FAM50B: variants seen among roughly 807,000 people sequenced by gnomAD.
FAM50B encodes protein FAM50B.
FAM50B carries 9 observed loss-of-function variants against 25.4 expected under a neutral mutation model. The ratio of observed to expected loss-of-function variants is 0.35; its 90% CI spans 0.21 to 0.62. FAM50B has a LOEUF of 0.62. Among genes scored for constraint, FAM50B ranks in the 20% least tolerant of loss-of-function variants. FAM50B has a pLI of 0.73. For missense variants in FAM50B, 372 were observed against 477.9 expected, an observed-to-expected ratio of 0.78 and a Z score of 2.07; for synonymous variants, 212 against 204.3, an observed-to-expected ratio of 1.04 and a Z score of -0.32.
At chr6:3,848,149 T>G (rs1209402692), upstream of FAM50B, among the ~76,000 whole-genome samples, 1 of 152,234 alleles carries the variant, frequency 6.6e-6, no homozygotes, top group Admixed American at 6.5e-5. Context: ...CACATGCTGC[T>G]GGAAAAATGG....
In FAM50B at chr6:3,850,327, G is replaced by C. The variant is rs372461028; in HGVS notation, c.516G>C (p.Glu172Asp). The C allele has an allele frequency of 1.2e-6, 2 of 1,613,230 alleles. No individual in the cohort carries two copies. The highest frequency in any genetic ancestry group is 1.7e-6 in the Non-Finnish European group (2 of 1,179,846). ...ENRLREELRQEWEAQREKVKD... is the reference protein window; with the variant it reads ...ENRLREELRQDWEAQREKVKD... ...GGCTCCGAGAGGAGCTGCGCCAAGAGTGGGAGGCGCAGCGCGAGAAAGTGA... is the reference window on the plus strand; with the variant it reads ...GGCTCCGAGAGGAGCTGCGCCAAGACTGGGAGGCGCAGCGCGAGAAAGTGA... Residue 172 changes from glutamate (E) to aspartate (D), a missense_variant, in exon 2 of 2, where the codon GAG (glutamate) becomes GAC (aspartate). By Grantham distance (45) the Glu-to-Asp change is conservative. Transcript: ENST00000648326.
intron 1 of FAM50B, 136 bp downstream of exon 1, chr6:3,849,622 A>C: frequency 2.0e-6 from 2 of 1,011,786 alleles, no homozygotes; most frequent in Non-Finnish European, 2.8e-6. Flanking sequence ...AATGCTGGAA[A>C]TTGGTGCCTG....
rs1328076236 is a variant in FAM50B at position 3,849,788 on chromosome 6, G to C, written c.-23-1G>C. ...TGCCGCGTTTTTCCTCTTTGCTGCA[G>C]AGCCCATCGGGTAGGCGCGGGCCAT... is the stretch of plus-strand genomic sequence containing the variant. On this transcript the variant is annotated splice_acceptor_variant, in intron 1 of 1. Coordinates refer to ENST00000648326, the MANE Select transcript of FAM50B (RefSeq NM_012135.3). LOFTEE classifies it low-confidence loss of function (5UTR_SPLICE). The C allele has an allele frequency of 6.3e-7, 1 of 1,582,376 alleles. No individual in the cohort carries two copies. Among genetic ancestry groups the C allele is most frequent in the Non-Finnish European group, 8.6e-7 (1 of 1,162,336 alleles).
At chr6:3,835,209 C>G in the FAM50B span, among the ~76,000 whole-genome samples, 1 of 152,136 alleles carries the variant, frequency 6.6e-6, no homozygotes, top group African/African-American at 2.4e-5. Context: ...TTTCCCCAAC[C>G]AGGACACTAG....
chr6:3,849,630 CT>C, intron 1 of FAM50B, 144 bp downstream of exon 1: 1 of 1,080,832 alleles, frequency 9.3e-7, no homozygotes, highest in Non-Finnish European at 1.3e-6. Flanking sequence ...AAATTGGTGC[CT>C]GGTGACACTG....
At chr6:3,838,264 T>C in the FAM50B span, among the ~76,000 whole-genome samples, 2 of 151,584 alleles carry the variant, frequency 1.3e-5, no homozygotes, top group South Asian at 2.1e-4. Flanking sequence ...TGAGCTATGA[T>C]TGCACCACTG....
At chr6:3,845,432 G>A (rs780606340), upstream of FAM50B, among the ~76,000 whole-genome samples, 1 of 152,166 alleles carries the variant, frequency 6.6e-6, no homozygotes, top group Non-Finnish European at 1.5e-5. Context: ...TATAGTATTT[G>A]TGGCCAAACG....
chr6:3,834,349 T>A, the FAM50B span, among the ~76,000 whole-genome samples: 2 of 78,324 alleles, frequency 2.6e-5, no homozygotes, highest in African/African-American at 5.9e-5. Flanking sequence ...ATACAAAAAC[T>A]GATATATGGC....
chr6:3,843,678 C>T, the FAM50B span, among the ~76,000 whole-genome samples: 9,960 of 152,232 alleles, frequency 0.065, 577 homozygotes, highest in East Asian at 0.15. Flanking sequence ...CCCCTTACCC[C>T]TACCTGATTG....
chr6:3,840,062 G>A, the FAM50B span, among the ~76,000 whole-genome samples: 12 of 152,144 alleles, frequency 7.9e-5, no homozygotes, highest in Admixed American at 5.9e-4. Context: ...GCGCGATCTC[G>A]GCTCACTGTA....
Position 3,850,967 on chromosome 6 carries a change from G to A in FAM50B, c.*178G>A. On this transcript the variant is annotated 3_prime_UTR_variant, in exon 2 of 2. Transcript: ENST00000648326. Reference sequence around the variant, plus strand: ...ATGTTATGCTTTGGTTGCTTGGTTGGTCTTTTCTGAGTATTTTAGTGTTGC... The same window carrying A: ...ATGTTATGCTTTGGTTGCTTGGTTGATCTTTTCTGAGTATTTTAGTGTTGC... 9.2e-7 allele frequency: 1 copy of A among 1,084,996 alleles called. No individual in the cohort carries two copies. Among genetic ancestry groups the A allele is most frequent in the South Asian group, 1.7e-5 (1 of 59,738 alleles). The allele number at this position is 1,084,996 out of a possible 1,614,324, so 67.2% of individuals were successfully genotyped here. A position where few individuals can be genotyped will look rare whatever the true frequency, so the allele number is the denominator to read the frequency against.
At chr6:3,846,196 C>T (rs1762119915), upstream of FAM50B, among the ~76,000 whole-genome samples, 2 of 152,098 alleles carry the variant, frequency 1.3e-5, no homozygotes, top group African/African-American at 2.4e-5. Flanking sequence ...ATGAAGATCT[C>T]TGAGGATATT....
chr6:3,848,170 C>T (rs1033236546), upstream of FAM50B, among the ~76,000 whole-genome samples: 9 of 152,180 alleles, frequency 5.9e-5, no homozygotes, highest in Admixed American at 2.0e-4. Flanking sequence ...AGCCAGTAGG[C>T]GCTTGACGCT....
chr6:3,842,058 G>A, the FAM50B span, among the ~76,000 whole-genome samples: 1 of 152,228 alleles, frequency 6.6e-6, no homozygotes, highest in Non-Finnish European at 1.5e-5. Flanking sequence ...CTCCAAGTTG[G>A]GAGGAAAATA....
At chr6:3,832,479 T>C in the FAM50B span, among the ~76,000 whole-genome samples, 3 of 152,246 alleles carry the variant, frequency 2.0e-5, no homozygotes, top group Non-Finnish European at 4.4e-5. Flanking sequence ...AGCAGCACGC[T>C]GAGAATGCCT....
the FAM50B span, among the ~76,000 whole-genome samples, chr6:3,840,279 C>T: frequency 6.6e-6 from 1 of 152,032 alleles, no homozygotes; most frequent in South Asian, 2.1e-4. Context: ...TGGCCTGAGC[C>T]ACCACGTCCT....
chr6:3,842,565 T>TTTCCCTGGTAAAA, the FAM50B span, among the ~76,000 whole-genome samples: 1 of 152,188 alleles, frequency 6.6e-6, no homozygotes, highest in Non-Finnish European at 1.5e-5. Context: ...ATGCCCCTCT[T>TTTCCCTGGTAAAA]TTCCCTGGTA....
chr6:3,837,224 G>A, the FAM50B span, among the ~76,000 whole-genome samples: 5,840 of 152,186 alleles, frequency 0.038, 345 homozygotes, highest in African/African-American at 0.13. Flanking sequence ...ATGAGCAACC[G>A]ATAAATTGAA....
upstream of FAM50B, among the ~76,000 whole-genome samples, chr6:3,846,496 T>C (rs9503764): frequency 4.1e-3 from 623 of 152,348 alleles, 6 homozygotes; most frequent in African/African-American, 0.014. Flanking sequence ...TCAGTGTTGA[T>C]GGTTGCTGAC....
Sources: allele counts gnomAD v4.1 joint callset (sites outside exome capture counted in the v4.1 genomes callset), GRCh38; gene constraint gnomAD v4.1.1; transcripts MANE v1.5; gene names NCBI Gene and HGNC (gene_info 2026-07-23, HGNC 2026-07-21).